Variants in RNF4 observed in about 807,000 individuals in gnomAD.
The protein encoded by RNF4 is E3 ubiquitin-protein ligase RNF4.
Under a neutral mutation model 24.3 loss-of-function variants are expected in RNF4, and 7 were observed. The ratio of observed to expected loss-of-function variants is 0.29; its 90% CI spans 0.16 to 0.54. RNF4 has a LOEUF of 0.54. Ranked by LOEUF, RNF4 falls within the 20% of genes least tolerant of loss-of-function variation. RNF4 has a pLI of 0.95. For synonymous variants in RNF4, 83 were observed against 84.3 expected, an observed-to-expected ratio of 0.98 and a Z score of 0.09; for missense variants, 209 against 248.5, an observed-to-expected ratio of 0.84 and a Z score of 1.07.
intron 1 of RNF4, among the ~76,000 whole-genome samples, chr4:2,489,408 C>T (rs192171257): frequency 6.6e-6 from 1 of 152,144 alleles, no homozygotes; most frequent in East Asian, 1.9e-4. Context: ...CACCTGGATC[C>T]CTCTCACCTG....
At chr4:2,499,833 A>G (rs1435356336) in intron 3 of RNF4, among the ~76,000 whole-genome samples, 1 of 152,134 alleles carries the variant, frequency 6.6e-6, no homozygotes, top group Admixed American at 6.6e-5. Context: ...CCAACTAGGG[A>G]GACAAACTTG....
At chr4:2,498,130 C>A (rs781675907) in intron 3 of RNF4, among the ~76,000 whole-genome samples, 2 of 152,156 alleles carry the variant, frequency 1.3e-5, no homozygotes, top group African/African-American at 4.8e-5. Context: ...ACTTGTCATC[C>A]TCTAGGCAGT....
At chr4:2,487,561 C>T (rs958073760) in intron 1 of RNF4, among the ~76,000 whole-genome samples, 7 of 152,210 alleles carry the variant, frequency 4.6e-5, no homozygotes, top group Non-Finnish European at 8.8e-5. Context: ...GCTGGGATTA[C>T]AGGCATGAGC....
At chr4:2,476,698 T>G (rs1324575509) in intron 1 of RNF4, among the ~76,000 whole-genome samples, 3 of 145,212 alleles carry the variant, frequency 2.1e-5, no homozygotes, top group Non-Finnish European at 4.5e-5. Flanking sequence ...GCCCTTTTCT[T>G]TCTTTCTTTT....
chr4:2,495,886 C>T (rs1228887994), intron 2 of RNF4, among the ~76,000 whole-genome samples: 15 of 152,218 alleles, frequency 9.9e-5, no homozygotes, highest in Non-Finnish European at 5.9e-5. Context: ...CTGCCTCTGC[C>T]TCCCAAAGTG....
At chr4:2,484,889 G>A (rs967988408) in intron 1 of RNF4, among the ~76,000 whole-genome samples, 2 of 152,020 alleles carry the variant, frequency 1.3e-5, no homozygotes, top group Non-Finnish European at 2.9e-5. Context: ...GTTCTCACCA[G>A]ACACAGGTGA....
chr4:2,476,852 A>G (rs1300578453), intron 1 of RNF4, among the ~76,000 whole-genome samples: 1 of 150,224 alleles, frequency 6.7e-6, no homozygotes, highest in Non-Finnish European at 1.5e-5. Flanking sequence ...TTCTTTCTCA[A>G]CTCACTTCAA....
intron 4 of RNF4, chr4:2,505,020 C>T (rs1263131405): frequency 1.3e-5 from 2 of 152,066 alleles, no homozygotes; most frequent in African/African-American, 2.4e-5. Flanking sequence ...AAGCATGAGC[C>T]GCTGCACCTG....
chr4:2,477,388 G>C (rs183428685), intron 1 of RNF4, among the ~76,000 whole-genome samples: 546 of 152,160 alleles, frequency 3.6e-3, no homozygotes, highest in African/African-American at 0.01. Flanking sequence ...AGTTCAAGAT[G>C]AGTGTGGCCA....
chr4:2,481,345 C>G (rs1265085423), intron 1 of RNF4: 1 of 152,084 alleles, frequency 6.6e-6, no homozygotes, highest in East Asian at 1.9e-4. Flanking sequence ...TCCATTTTTC[C>G]TCACAAATGG....
At chr4:2,476,272 G>C (rs1038535064) in intron 1 of RNF4, among the ~76,000 whole-genome samples, 5 of 152,162 alleles carry the variant, frequency 3.3e-5, no homozygotes, top group African/African-American at 1.2e-4. Context: ...TCCCTTGTAA[G>C]TACCTTCTTG....
At chr4:2,480,775 C>T (rs900349788) in intron 1 of RNF4, 1 of 152,134 alleles carries the variant, frequency 6.6e-6, no homozygotes, top group Non-Finnish European at 1.5e-5. Context: ...AGCAGAAATT[C>T]CCTAAAGCGG....
chr4:2,488,626 C>G lies in RNF4; in HGVS notation c.-157-1711C>G, dbSNP rs191299202. On this transcript the variant is annotated intron_variant, in intron 1 of 7. Coordinates refer to ENST00000314289, the MANE Select transcript of RNF4 (RefSeq NM_002938.5). Reference sequence around the variant, plus strand: ...ATGGGTATGTGTCAGCCCACAGACACTGAGCCTTTCCAGTGTGCCTGCACT... The same window carrying G: ...ATGGGTATGTGTCAGCCCACAGACAGTGAGCCTTTCCAGTGTGCCTGCACT... 2.0e-5 allele frequency among the ~76,000 whole-genome samples: 3 copies of G among 152,254 alleles called. No individual in the cohort carries two copies. The East Asian group carries it at 5.8e-4, about 29-fold the overall frequency.
chr4:2,471,458 G>A (rs894359506), intron 1 of RNF4, among the ~76,000 whole-genome samples: 1 of 152,104 alleles, frequency 6.6e-6, no homozygotes, highest in Non-Finnish European at 1.5e-5. Context: ...ATTGAAATTA[G>A]GCCAGTCAGT....
chr4:2,512,991 A>C lies in RNF4; in HGVS notation c.375-92A>C, dbSNP rs2108780525. Reference sequence around the variant, plus strand: ...GCAGAGTCAGGAGGCCAGGGACGGGACTCTTGTAGGGGATAGGGGCCACTC... The same window carrying C: ...GCAGAGTCAGGAGGCCAGGGACGGGCCTCTTGTAGGGGATAGGGGCCACTC... On this transcript the variant is annotated intron_variant, in intron 6 of 7. Transcript: ENST00000314289. The surrounding 1 kb of genome is among the most constrained non-coding windows in gnomAD (Gnocchi z 4.1). The C allele has an allele frequency of 8.0e-7, 1 of 1,244,054 alleles. No individual in the cohort carries two copies. The highest frequency in any genetic ancestry group is 2.3e-5 in the East Asian group (1 of 43,030). The allele number at this position is 1,244,054 out of a possible 1,614,324, so 77.1% of individuals were successfully genotyped here. A position where few individuals can be genotyped will look rare whatever the true frequency, so the allele number is the denominator to read the frequency against.
Position 2,469,129 on chromosome 4 carries a change from G to C in RNF4, c.-287G>C, listed in dbSNP as rs141931639. 6.6e-6 allele frequency: 1 copy of C among 152,232 alleles called. No individual in the cohort carries two copies. Among genetic ancestry groups the C allele is most frequent in the African/African-American group, 2.4e-5 (1 of 41,458 alleles). 9.4% of individuals were successfully genotyped at this position (152,232 alleles called of 1,614,324 possible). A position where few individuals can be genotyped will look rare whatever the true frequency, so the allele number is the denominator to read the frequency against. ...GAAGCGGAAGTGGGTTGCTGTTGAGGCGGCGGCATCTTTCTCGAGGAGCTC... is the reference window on the plus strand; with the variant it reads ...GAAGCGGAAGTGGGTTGCTGTTGAGCCGGCGGCATCTTTCTCGAGGAGCTC... On this transcript the variant is annotated 5_prime_UTR_variant, in exon 1 of 8. Coordinates refer to ENST00000314289, the MANE Select transcript of RNF4 (RefSeq NM_002938.5).
chr4:2,513,555 G>C, intron 7 of RNF4, 115 bp from the exon 8 acceptor site: 1 of 1,246,288 alleles, frequency 8.0e-7, no homozygotes, highest in South Asian at 1.4e-5. Flanking sequence ...TTGTAGCCTG[G>C]CCCTTGCTTT....
intron 1 of RNF4, among the ~76,000 whole-genome samples, chr4:2,472,090 A>G (rs1734925581): frequency 6.6e-6 from 1 of 152,156 alleles, no homozygotes; most frequent in African/African-American, 2.4e-5. Context: ...CCTGGCTTCA[A>G]AGGACAGTCT....
Position 2,500,755 on chromosome 4 carries a change from G to T in RNF4, c.204+17G>T. 1 of 1,612,924 alleles carries T rather than the reference G, an allele frequency of 6.2e-7. No individual in the cohort carries two copies. Among genetic ancestry groups the T allele is most frequent in the South Asian group, 1.1e-5 (1 of 90,902 alleles). On this transcript the variant is annotated intron_variant, in intron 4 of 7. Coordinates refer to ENST00000314289, the MANE Select transcript of RNF4 (RefSeq NM_002938.5). Reference sequence around the variant, plus strand: ...TCTGTTGTGGTAAGTGTTGGAGTGTGAGAGTCGGCTGTTTCTTGGGTATGG... The same window carrying T: ...TCTGTTGTGGTAAGTGTTGGAGTGTTAGAGTCGGCTGTTTCTTGGGTATGG...
Sources: gnomAD v4.1 joint callset for allele counts (sites outside exome capture counted in the v4.1 genomes callset) on GRCh38, gnomAD v4.1.1 for gene constraint, Gnocchi (gnomAD v3.1) non-coding constraint, MANE v1.5 for transcripts, NCBI Gene and HGNC (gene_info 2026-07-23, HGNC 2026-07-21) for gene names.